Variants in DCDC2 observed in about 807,000 individuals in gnomAD.
The protein encoded by DCDC2 is doublecortin domain containing 2.
DCDC2 carries 40 observed loss-of-function variants against 50.2 expected under a neutral mutation model. The ratio of observed to expected loss-of-function variants is 0.80; its 90% confidence interval spans 0.62 to 1.04. DCDC2 has a LOEUF of 1.04. Ranked by LOEUF, DCDC2 falls within the 50% of genes least tolerant of loss-of-function variation. The pLI, the probability that DCDC2 is intolerant of heterozygous loss-of-function variation, is 0.00. For synonymous variants in DCDC2, 234 were observed against 210.6 expected, an observed-to-expected ratio of 1.11 and a Z score of -0.96; for missense variants, 570 against 581.9, an observed-to-expected ratio of 0.98 and a Z score of 0.21.
chr6:24,204,058 A>G (rs1761650206), intron 8 of DCDC2, among the ~76,000 whole-genome samples: 1 of 152,100 alleles, frequency 6.6e-6, no homozygotes, highest in South Asian at 2.1e-4. Flanking sequence ...AATTAGTTCA[A>G]CATTGTGGAA....
intron 7 of DCDC2, among the ~76,000 whole-genome samples, chr6:24,249,167 T>A (rs1278985875): frequency 3.2e-4 from 1 of 3,106 alleles, no homozygotes; most frequent in Non-Finnish European, 4.0e-3. Context: ...AACAAAGGAA[T>A]TAGAGTGAAA....
chr6:24,305,714 C>T (rs1277164510), intron 2 of DCDC2, among the ~76,000 whole-genome samples: 1 of 152,028 alleles, frequency 6.6e-6, no homozygotes, highest in Non-Finnish European at 1.5e-5. Flanking sequence ...CATACACTTC[C>T]CCTTGCACTG....
chr6:24,288,678 T>C (rs577246911), intron 6 of DCDC2, among the ~76,000 whole-genome samples, 174 bp downstream of exon 6: 2 of 152,338 alleles, frequency 1.3e-5, no homozygotes, highest in Admixed American at 1.3e-4. Context: ...AAATGTTAGC[T>C]CTGTTTAGGA....
intron 7 of DCDC2, among the ~76,000 whole-genome samples, chr6:24,259,911 T>G (rs868432561): frequency 9.2e-5 from 14 of 152,222 alleles, no homozygotes; most frequent in African/African-American, 2.9e-4. Context: ...TTTTCCCATT[T>G]TTATGCCTCT....
chr6:24,178,719 T>C (rs1346919170), intron 8 of DCDC2, 87 bp from the exon 9 acceptor site: 21 of 1,298,144 alleles, frequency 1.6e-5, no homozygotes, highest in Non-Finnish European at 2.2e-5. Context: ...ATACTTATAT[T>C]ACAGTCAAGT....
At chr6:24,367,761 G>A in the DCDC2 span, among the ~76,000 whole-genome samples, 3 of 119,272 alleles carry the variant, frequency 2.5e-5, no homozygotes, top group South Asian at 7.1e-4. Flanking sequence ...TGAATATACA[G>A]TAAAAAAACC....
chr6:24,374,766 G>A, the DCDC2 span, among the ~76,000 whole-genome samples: 2 of 152,080 alleles, frequency 1.3e-5, no homozygotes, highest in Non-Finnish European at 2.9e-5. Context: ...GGCAAATAGC[G>A]GGTCTCTGAC....
At chr6:24,358,535 A>G (rs922039516), upstream of DCDC2, among the ~76,000 whole-genome samples, 6 of 137,504 alleles carry the variant, frequency 4.4e-5, no homozygotes, top group South Asian at 2.4e-4. Flanking sequence ...AAAAAAAAAA[A>G]GTAGGTGGGC....
At chr6:24,381,959 A>AGGAAGGAAG in the DCDC2 span, among the ~76,000 whole-genome samples, 1,056 of 103,648 alleles carry the variant, frequency 0.01, 16 homozygotes, top group Non-Finnish European at 0.015. Flanking sequence ...AAGGAAAGAA[A>AGGAAGGAAG]GAAGGAAGGA....
At chr6:24,269,091 C>G (rs187216036) in intron 7 of DCDC2, among the ~76,000 whole-genome samples, 6 of 152,124 alleles carry the variant, frequency 3.9e-5, no homozygotes, top group African/African-American at 9.6e-5. Context: ...ATAACTAGGG[C>G]AATAGAGAAG....
At chr6:24,288,471 T>A (rs1266429584) in intron 6 of DCDC2, among the ~76,000 whole-genome samples, 1 of 152,258 alleles carries the variant, frequency 6.6e-6, no homozygotes, top group Admixed American at 6.5e-5. Flanking sequence ...GGAATATTAA[T>A]GAGGATTATA....
In DCDC2 at chr6:24,210,071, T is replaced by TGC. The variant is rs1561891643; in HGVS notation, c.923-4970_923-4969insGC. On this transcript the variant is annotated intron_variant, in intron 7 of 9. Coordinates refer to ENST00000378454, the MANE Select transcript of DCDC2 (RefSeq NM_016356.5). ...GTGTGTGTGTCTGTCTGTCTGTCTG[T>TGC]CTGCCTGCCTGCCTGTCTGTCTTCA... is the stretch of plus-strand genomic sequence containing the variant. 1.2e-3 allele frequency among the ~76,000 whole-genome samples: 173 copies of TGC among 140,846 alleles called. 1 individual carries two copies. Among genetic ancestry groups the TGC allele is most frequent in the African/African-American group, 4.3e-3 (155 of 35,760 alleles). 92.4% of individuals were successfully genotyped at this position (140,846 alleles called of 152,430 possible). A position where few individuals can be genotyped will look rare whatever the true frequency, so the allele number is the denominator to read the frequency against.
intron 6 of DCDC2, among the ~76,000 whole-genome samples, chr6:24,286,567 T>C (rs1363751174): frequency 7.0e-6 from 1 of 143,872 alleles, no homozygotes; most frequent in Non-Finnish European, 1.5e-5. Flanking sequence ...TACACCACCC[T>C]GGGTGACAGA....
chr6:24,261,203 G>GT (rs1287804382), intron 7 of DCDC2, among the ~76,000 whole-genome samples: 2 of 63,348 alleles, frequency 3.2e-5, no homozygotes, highest in African/African-American at 7.7e-5. Flanking sequence ...CCATTTTCTT[G>GT]CTTTTTTTTT....
intron 7 of DCDC2, among the ~76,000 whole-genome samples, chr6:24,273,031 C>T (rs1310125280): frequency 6.7e-6 from 1 of 148,562 alleles, no homozygotes; most frequent in African/African-American, 2.5e-5. Flanking sequence ...CACACACACA[C>T]ACTTTGTGGG....
chr6:24,346,268 G>A (rs1186352031), intron 2 of DCDC2, among the ~76,000 whole-genome samples: 1 of 152,114 alleles, frequency 6.6e-6, no homozygotes, highest in African/African-American at 2.4e-5. Context: ...TGGAGTAGGG[G>A]TAGTACAGAA....
chr6:24,358,156 T>G (rs1272813358), upstream of DCDC2: 1 of 475,238 alleles, frequency 2.1e-6, no homozygotes. Flanking sequence ...ACAAATATGG[T>G]GAAACCCAAT....
chr6:24,291,680 T>C (rs1763755377), intron 4 of DCDC2, among the ~76,000 whole-genome samples: 1 of 151,406 alleles, frequency 6.6e-6, no homozygotes, highest in Non-Finnish European at 1.5e-5. Flanking sequence ...AGAGACCGGG[T>C]TTCACCGTTT....
chr6:24,200,834 A>G (rs1055058095), intron 8 of DCDC2, among the ~76,000 whole-genome samples: 2 of 150,394 alleles, frequency 1.3e-5, no homozygotes, highest in Non-Finnish European at 3.0e-5. Context: ...GAAAAAAAGA[A>G]AAAAAAAAAC....
Sources: allele counts gnomAD v4.1 joint callset (sites outside exome capture counted in the v4.1 genomes callset), GRCh38; gene constraint gnomAD v4.1.1; transcripts MANE v1.5; gene names NCBI Gene and HGNC (gene_info 2026-07-23, HGNC 2026-07-21).